FDXR: variants seen among roughly 807,000 people sequenced by gnomAD.
FDXR encodes the protein NADPH:adrenodoxin oxidoreductase, mitochondrial.
In FDXR, 38 loss-of-function variants were observed where a neutral mutation model predicts 58.3. The ratio of observed to expected loss-of-function variants is 0.65; its 90% CI spans 0.50 to 0.85. The LOEUF (loss-of-function observed/expected upper bound fraction) is 0.85, where lower values mean the gene tolerates loss of function less well. Ranked by LOEUF, FDXR falls within the 40% of genes least tolerant of loss-of-function variation. FDXR has a pLI of 0.00. For synonymous variants in FDXR, 275 were observed against 273.8 expected, an observed-to-expected ratio of 1.00 and a Z score of -0.04; for missense variants, 624 against 671.0, an observed-to-expected ratio of 0.93 and a Z score of 0.77.
chr17:74,868,170 A>C (rs1598531079), intron 2 of FDXR: 2 of 184,372 alleles, frequency 1.1e-5, no homozygotes, highest in Admixed American at 7.3e-5. Context: ...TCTCCATCCC[A>C]GGCCAGCCAC....
At chr17:74,872,613 C>T in intron 1 of FDXR, 1 of 779,204 alleles carries the variant, frequency 1.3e-6, no homozygotes, top group South Asian at 1.8e-5. Context: ...CCTCCATTCA[C>T]CCCGTCTCAC....
At chr17:74,864,411 T>A (rs1598516436) in intron 8 of FDXR, 64 bp from the exon 9 acceptor site, 9 of 1,605,560 alleles carry the variant, frequency 5.6e-6, no homozygotes, top group African/African-American at 1.3e-5. Context: ...TGCATGCCCT[T>A]CCCCAATCCC....
rs745565334 is a variant in FDXR at position 74,864,899 on chromosome 17, T to G, written c.642A>C (p.Val214=). ...CTGTCTTCACTCGACTCTGCCTCAGTACACCCAGGGCTGCCTTCGTGATGT... is the reference window on the plus strand; with the variant it reads ...CTGTCTTCACTCGACTCTGCCTCAGGACACCCAGGGCTGCCTTCGTGATGT... ...RTDITKAALG[V]LRQSRVKTVW... The change falls in exon 7 of 12, where the codon GTA becomes GTC. Residue 214 remains valine (V), a synonymous_variant. Transcript: ENST00000293195. The G allele has an allele frequency of 6.2e-7, 1 of 1,614,148 alleles. No individual in the cohort carries two copies. The highest frequency in any genetic ancestry group is 1.1e-5 in the South Asian group (1 of 91,078).
Position 74,863,899 on chromosome 17 carries a change from G to A in FDXR, c.1171C>T (p.Pro391Ser). The A allele has an allele frequency of 1.2e-6, 2 of 1,611,306 alleles. No homozygotes were observed. The highest frequency in any genetic ancestry group is 1.7e-6 in the Non-Finnish European group (2 of 1,178,096). The change falls in exon 10 of 12, where the codon CCA becomes TCA. Residue 391 changes from proline to serine, a missense_variant. Transcript: ENST00000293195. ...CAGCCTCCTCACACCCTCTCACCTG[G>A]CACATCCATAACCCGGCCCTCCACA... ...PNVEGRVMDV[P>S]GLYCSGWVKR...
chr17:74,863,933 G>T lies in FDXR; in HGVS notation c.1137C>A (p.Val379=). 1 of 1,613,964 alleles carries T rather than the reference G, an allele frequency of 6.2e-7. No individual in the cohort carries two copies. The highest frequency in any genetic ancestry group is 8.5e-7 in the Non-Finnish European group (1 of 1,179,954). The change falls in exon 10 of 12, where the codon GTC becomes GTA. Residue 379 remains valine, a synonymous_variant. Coordinates refer to ENST00000293195, the MANE Select transcript of FDXR (RefSeq NM_024417.5). ...PSVPFDSKLG[V]IPNVEGRVMD... The stretch of plus-strand genomic sequence containing the variant: ...TAACCCGGCCCTCCACATTGGGGAT[G>T]ACCCCAAGCTTGGAGTCAAAGGGCA...
rs1220562735 is a variant in FDXR, at chr17:74,866,205, C to T, written c.433G>A (p.Gly145Ser). The change falls in exon 5 of 12, where the codon GGT becomes AGT. Residue 145 changes from glycine to serine, a missense_variant. Transcript: ENST00000293195. ...GAGCACACACCTGGCAGCTCCTCAC[C>T]AGGAATTTCCAGGGCCCGATGGTCC... The part of the protein sequence containing the change: ...AEDHRALEIP[G>S]EELPGVCSAR... 2 of 1,614,056 alleles carry T rather than the reference C, an allele frequency of 1.2e-6. No homozygotes were observed. Among genetic ancestry groups the T allele is most frequent in the Non-Finnish European group, 1.7e-6 (2 of 1,180,004 alleles).
Position 74,864,306 on chromosome 17 carries a change from G to C in FDXR, c.844C>G (p.Arg282Gly), listed in dbSNP as rs760046738. The change falls in exon 9 of 12, where the codon CGA becomes GGA. Residue 282 changes from arginine to glycine, a missense_variant. Physicochemically the swap from Arg to Gly is moderately radical, Grantham distance 125. Transcript: ENST00000293195. ...GGCCCTGGCTTCTCTGTGGCCGTTC[G>C]AAGCAGCAGTTCCGTCAGCCGCTTC... ...PRKRLTELLL[R>G]TATEKPGPAE... The C allele has an allele frequency of 1.3e-6, 2 of 1,584,418 alleles. No homozygotes were observed. The highest frequency in any genetic ancestry group is 1.1e-5 in the South Asian group (1 of 89,762).
In FDXR at chr17:74,864,358, C is replaced by G. The variant is rs780093358; in HGVS notation, c.803-11G>C. ...TCGGGCGGGGGACCTCTGTCAGCAACGTAGAATGTCTCCAGGCTGTCCCTG... is the reference window on the plus strand; with the variant it reads ...TCGGGCGGGGGACCTCTGTCAGCAAGGTAGAATGTCTCCAGGCTGTCCCTG... On this transcript the variant is annotated splice_polypyrimidine_tract_variant and intron_variant, in intron 8 of 11. Transcript: ENST00000293195. 6.3e-7 allele frequency: 1 copy of G among 1,579,118 alleles called. No homozygotes were observed. The highest frequency in any genetic ancestry group is 8.6e-7 in the Non-Finnish European group (1 of 1,161,108).
At chr17:74,869,804 G>T in intron 2 of FDXR, 1 of 367,456 alleles carries the variant, frequency 2.7e-6, no homozygotes, top group Non-Finnish European at 5.9e-6. Context: ...TAAAGCCTGC[G>T]CCCAGAACAT....
Position 74,864,262 on chromosome 17 carries a change from C to T in FDXR, c.888G>A (p.Gln296=). ...EKPGPAEAAR[Q]ASASRAWGLR... ...GGCCCCAGGCACGGGAGGCCGATGCCTGGCGGGCAGCTTCCGCCGGCCCTG... is the reference window on the plus strand; with the variant it reads ...GGCCCCAGGCACGGGAGGCCGATGCTTGGCGGGCAGCTTCCGCCGGCCCTG... Residue 296 remains glutamine, a synonymous_variant, in exon 9 of 12, where the codon CAG becomes CAA. Transcript: ENST00000293195. 1 of 1,598,502 alleles carries T rather than the reference C, an allele frequency of 6.3e-7. No homozygotes were observed. Among genetic ancestry groups the T allele is most frequent in the Non-Finnish European group, 8.6e-7 (1 of 1,168,958 alleles).
intron 2 of FDXR, among the ~76,000 whole-genome samples, chr17:74,870,990 A>C (rs2038358940): frequency 6.6e-6 from 1 of 151,276 alleles, no homozygotes; most frequent in African/African-American, 2.5e-5. Flanking sequence ...TTTAGTAGAG[A>C]TGGGGTTTCA....
Position 74,864,878 on chromosome 17 carries a change from C to T in FDXR, c.663G>A (p.Lys221=). 1 of 1,614,188 alleles carries T rather than the reference C, an allele frequency of 6.2e-7. No homozygotes were observed. ...CACGCCGGCCCACTAGCCACACTGT[C>T]TTCACTCGACTCTGCCTCAGTACAC... The part of the protein sequence containing the change: ...ALGVLRQSRV[K]TVWLVGRRGP... Residue 221 remains lysine (K), a synonymous_variant, in exon 7 of 12, where the codon AAG becomes AAA. Transcript: ENST00000293195.
At chr17:74,863,683 G>C (rs1235332425) in intron 10 of FDXR, among the ~76,000 whole-genome samples, 2 of 152,210 alleles carry the variant, frequency 1.3e-5, no homozygotes, top group East Asian at 3.8e-4. Flanking sequence ...TTTGTTGAAT[G>C]ACTTAATGAC....
chr17:74,862,972 C>A (rs1344044440), intron 11 of FDXR, 25 bp from the exon 12 acceptor site: 2 of 1,607,612 alleles, frequency 1.2e-6, no homozygotes, highest in Non-Finnish European at 1.7e-6. Context: ...AGATTGTCAA[C>A]ACCTCCTCCT....
intron 2 of FDXR, among the ~76,000 whole-genome samples, chr17:74,871,005 G>A (rs954058075): frequency 5.3e-5 from 8 of 151,794 alleles, no homozygotes; most frequent in Non-Finnish European, 5.9e-5. Flanking sequence ...GTTTCACCAC[G>A]TTGGCCAGGC....
In FDXR at chr17:74,866,777, CA is replaced by C. The variant is rs1555620960; in HGVS notation, c.270+6del. ...AAACCCCAGCCTCCAGGCCCAGAGA[CA>C]CCCACCTTCACCTCGGGGTGATCAG... On this transcript the variant is annotated splice_donor_region_variant and intron_variant, in intron 3 of 11. Coordinates refer to ENST00000293195, the MANE Select transcript of FDXR (RefSeq NM_024417.5). The C allele has an allele frequency of 1.2e-6, 2 of 1,613,866 alleles. No homozygotes were observed. The highest frequency in any genetic ancestry group is 1.7e-6 in the Non-Finnish European group (2 of 1,179,942).
rs1453805719 is a variant in FDXR at position 74,864,061 on chromosome 17, C to T, written c.1009G>A (p.Asp337Asn). Residue 337 changes from aspartate to asparagine, a missense_variant, in exon 10 of 12, where the codon GAT becomes AAT. Coordinates refer to ENST00000293195, the MANE Select transcript of FDXR (RefSeq NM_024417.5). ...RLAVTRLEGV[D>N]EATRAVPTGD... is the part of the protein sequence containing the mutation. The stretch of plus-strand genomic sequence containing the variant: ...GTGGGCACTGCACGGGTGGCCTCAT[C>T]GACACCCTGTTGGGGAGAGTGTGGG... 6.2e-6 allele frequency: 10 copies of T among 1,613,780 alleles called. No individual in the cohort carries two copies. Among genetic ancestry groups the T allele is most frequent in the South Asian group, 3.3e-5 (3 of 91,090 alleles).
intron 11 of FDXR, 26 bp from the exon 12 acceptor site, chr17:74,862,973 A>AC: frequency 6.2e-7 from 1 of 1,607,022 alleles, no homozygotes; most frequent in Non-Finnish European, 8.5e-7. Context: ...GATTGTCAAC[A>AC]CCTCCTCCTT....
Position 74,863,969 on chromosome 17 carries a change from G to T in FDXR, c.1101C>A (p.Val367=). ...LSSIGYKSRP[V]DPSVPFDSKL... is the part of the protein sequence containing the mutation. Reference sequence around the variant, plus strand: ...TGGAGTCAAAGGGCACGCTTGGGTCGACAGGGCGGCTCTTATACCCAATGC... The same window carrying T: ...TGGAGTCAAAGGGCACGCTTGGGTCTACAGGGCGGCTCTTATACCCAATGC... Residue 367 remains valine, a synonymous_variant, in exon 10 of 12, where the codon GTC becomes GTA. Transcript: ENST00000293195. 3 of 1,614,064 alleles carry T rather than the reference G, an allele frequency of 1.9e-6. No individual in the cohort carries two copies. In the African/African-American group the frequency reaches 4.0e-5, roughly 22 times the overall value.
Sources: allele counts gnomAD v4.1 joint callset (sites outside exome capture counted in the v4.1 genomes callset), GRCh38; gene constraint gnomAD v4.1.1; transcripts MANE v1.5; gene names NCBI Gene and HGNC (gene_info 2026-07-23, HGNC 2026-07-21).